PCNX1: variants seen among roughly 807,000 people sequenced by gnomAD.
PCNX1 encodes pecanex-like protein 1.
A neutral mutation model predicts 242.2 loss-of-function variants in PCNX1; 78 were observed. The ratio of observed to expected loss-of-function variants is 0.32; its 90% CI spans 0.27 to 0.39. The LOEUF (loss-of-function observed/expected upper bound fraction) is 0.39. Among genes scored for constraint, PCNX1 ranks in the 10% least tolerant of loss-of-function variants. The pLI, the probability that PCNX1 is intolerant of heterozygous loss-of-function variation, is 1.00. For missense variants in PCNX1, 2,581 were observed against 2,856.5 expected (o/e 0.90, Z 2.20); for synonymous variants, 1,024 against 1,032.9 (o/e 0.99, Z 0.17).
intron 7 of PCNX1, 124 bp downstream of exon 7, chr14:70,988,823 A>G (rs3829954): frequency 0.28 from 336,022 of 1,193,920 alleles, 49,097 homozygotes; most frequent in Admixed American, 0.4. Flanking sequence ...TCTTTCCTAT[A>G]CATTTAAGCC....
intron 26 of PCNX1, among the ~76,000 whole-genome samples, chr14:71,068,691 G>T (rs970594706): frequency 3.3e-5 from 4 of 122,670 alleles, no homozygotes; most frequent in African/African-American, 1.1e-4. Flanking sequence ...TTTTTTATGT[G>T]AACATATACA....
chr14:71,046,981 T>C lies in PCNX1; in HGVS notation c.4036T>C (p.Trp1346Arg), dbSNP rs766970228. Reference sequence around the variant, plus strand: ...CTTGTTAGATGCAGCCACTATGATGTGGTTTGAGAAACTTCATGTGTGGCT... The same window carrying C: ...CTTGTTAGATGCAGCCACTATGATGCGGTTTGAGAAACTTCATGTGTGGCT... ...YEVRNAATMM[W>R]FEKLHVWLLF... The change falls in exon 21 of 36, where the codon TGG becomes CGG. Residue 1346 changes from tryptophan to arginine, a missense_variant. This residue lies in a region of PCNX1 where 432 missense variants were observed against 443.1 expected (regional missense o/e 0.97). Transcript: ENST00000304743. 1.4e-5 allele frequency: 22 copies of C among 1,609,938 alleles called. 1 individual carries two copies. In the South Asian group the frequency reaches 2.3e-4, roughly 17 times the overall value.
intron 7 of PCNX1, among the ~76,000 whole-genome samples, chr14:70,992,326 A>T (rs1332426051): frequency 6.6e-6 from 1 of 152,182 alleles, no homozygotes; most frequent in Non-Finnish European, 1.5e-5. Flanking sequence ...ATACAAGATT[A>T]AAAAATCTGT....
intron 33 of PCNX1, among the ~76,000 whole-genome samples, chr14:71,106,298 G>A (rs767834155): frequency 1.2e-4 from 19 of 152,084 alleles, no homozygotes; most frequent in Non-Finnish European, 2.2e-4. Context: ...GATTACAGGC[G>A]TGAGCCACCA....
At chr14:71,024,715 T>G (rs936504345) in intron 13 of PCNX1, among the ~76,000 whole-genome samples, 1 of 152,170 alleles carries the variant, frequency 6.6e-6, no homozygotes, top group African/African-American at 2.4e-5. Flanking sequence ...GTATTAACAT[T>G]TTGGCCAGCT....
intron 1 of PCNX1, among the ~76,000 whole-genome samples, chr14:70,936,705 A>C (rs1382035124): frequency 6.6e-6 from 1 of 152,228 alleles, no homozygotes; most frequent in African/African-American, 2.4e-5. Context: ...AGGAATTGCC[A>C]CACTGTCTTC....
intron 3 of PCNX1, among the ~76,000 whole-genome samples, chr14:70,963,659 T>C (rs61988735): frequency 0.014 from 2,165 of 152,326 alleles, 23 homozygotes; most frequent in Middle Eastern, 0.034. Context: ...AGTGAATGAC[T>C]AAACTATTAA....
intron 23 of PCNX1, among the ~76,000 whole-genome samples, 196 bp from the exon 24 acceptor site, chr14:71,051,687 A>G (rs578095226): frequency 1.6e-4 from 25 of 152,322 alleles, no homozygotes; most frequent in Admixed American, 7.8e-4. Flanking sequence ...GCAGCATACC[A>G]GGTTGTACTT....
intron 1 of PCNX1, among the ~76,000 whole-genome samples, chr14:70,910,342 C>T (rs1566809317): frequency 6.6e-6 from 1 of 150,676 alleles, no homozygotes; most frequent in East Asian, 1.9e-4. Context: ...TGCTTTTGTT[C>T]TTTATTCTCC....
At position 71,046,944 on chromosome 14, in the gene PCNX1, G is replaced by C; in HGVS notation, c.4019-20G>C. On this transcript the variant is annotated intron_variant, in intron 20 of 35. Transcript: ENST00000304743. The stretch of plus-strand genomic sequence containing the variant: ...TATACATTTGATGACATGTAGTCTT[G>C]ATTTATACTGCCTTGTTAGATGCAG... The C allele has an allele frequency of 6.3e-7, 1 of 1,590,574 alleles. No individual in the cohort carries two copies. The highest frequency in any genetic ancestry group is 1.1e-5 in the South Asian group (1 of 87,178).
chr14:71,028,507 C>G (rs934569511), intron 15 of PCNX1, among the ~76,000 whole-genome samples, 193 bp from the exon 16 acceptor site: 2 of 151,902 alleles, frequency 1.3e-5, no homozygotes, highest in Non-Finnish European at 2.9e-5. Flanking sequence ...AACAAAGACT[C>G]AGGATAGCAA....
At chr14:70,970,592 C>T (rs372176498) in intron 5 of PCNX1, among the ~76,000 whole-genome samples, 4 of 152,232 alleles carry the variant, frequency 2.6e-5, no homozygotes, top group East Asian at 1.9e-4. Context: ...TATATACACA[C>T]GAATCTACCC....
chr14:71,013,115 T>G lies in PCNX1; in HGVS notation c.2909T>G (p.Val970Gly), dbSNP rs764652492. ...CCAACAGAAGAAGCTGCCCAAAAGG[T>G]TAAACACTATTATCGCTTTTGGATC... is the stretch of plus-strand genomic sequence containing the variant. Reference protein sequence around the residue: ...YGPTEEAAQKVKHYYRFWILP... With the variant: ...YGPTEEAAQKGKHYYRFWILP... Residue 970 changes from valine to glycine, a missense_variant, in exon 11 of 36, where the codon GTT (valine) becomes GGT (glycine). Coordinates refer to ENST00000304743, the MANE Select transcript of PCNX1 (RefSeq NM_014982.3). 2 of 1,614,114 alleles carry G rather than the reference T, an allele frequency of 1.2e-6. No individual in the cohort carries two copies. The highest frequency in any genetic ancestry group is 1.1e-5 in the South Asian group (1 of 91,080).
At chr14:70,994,426 T>TATATATATATATATATATAGATATATAG (rs1387360991) in intron 7 of PCNX1, among the ~76,000 whole-genome samples, 1 of 114,984 alleles carries the variant, frequency 8.7e-6, no homozygotes. Context: ...TATATATATA[T>TATATATATATATATATATAGATATATAG]ATATGTATGT....
At chr14:71,055,406 C>G in intron 24 of PCNX1, 98 bp from the exon 25 acceptor site, 1 of 703,566 alleles carries the variant, frequency 1.4e-6, no homozygotes, top group Non-Finnish European at 2.4e-6. Flanking sequence ...AAGTGATAAC[C>G]TTTATTTTAT....
intron 11 of PCNX1, among the ~76,000 whole-genome samples, chr14:71,016,121 G>C (rs1001681659): frequency 2.6e-5 from 4 of 152,172 alleles, no homozygotes; most frequent in African/African-American, 4.8e-5. Context: ...ATTAAAGTCA[G>C]GTAAAGTAGA....
chr14:71,062,292 G>A (rs962122891), intron 26 of PCNX1, among the ~76,000 whole-genome samples: 1 of 152,126 alleles, frequency 6.6e-6, no homozygotes, highest in African/African-American at 2.4e-5. Context: ...GATAAGATGT[G>A]TAGGTGGAAG....
At chr14:71,047,183 TTAAA>T (rs2060885588) in intron 21 of PCNX1, 78 bp downstream of exon 21, 5 of 885,368 alleles carry the variant, frequency 5.6e-6, no homozygotes, top group Non-Finnish European at 6.5e-6. Flanking sequence ...TGATCAAATA[TTAAA>T]TAATTGTTTC....
In PCNX1 at chr14:71,047,891, C is replaced by T. The variant is rs1390425463; in HGVS notation, c.4245C>T (p.Val1415=). Reference sequence around the variant, plus strand: ...GCCCTACATATCAGTATGTTACAGTCATCTTTACTGTGCTGTTTTTCAAAT... The same window carrying T: ...GCCCTACATATCAGTATGTTACAGTTATCTTTACTGTGCTGTTTTTCAAAT... ...FSSPTYQYVT[V]IFTVLFFKFD... Residue 1415 remains valine (V), a synonymous_variant, in exon 22 of 36, where the codon GTC becomes GTT. Coordinates refer to ENST00000304743, the MANE Select transcript of PCNX1 (RefSeq NM_014982.3). 1 of 1,612,256 alleles carries T rather than the reference C, an allele frequency of 6.2e-7. No individual in the cohort carries two copies. Among genetic ancestry groups the T allele is most frequent in the South Asian group, 1.1e-5 (1 of 91,032 alleles).
Sources: allele counts gnomAD v4.1 joint callset (sites outside exome capture counted in the v4.1 genomes callset), GRCh38; gene constraint gnomAD v4.1.1; regional missense constraint gnomAD v4.1.1; transcripts MANE v1.5; gene names NCBI Gene and HGNC (gene_info 2026-07-23, HGNC 2026-07-21).